The following MTHFD1L variants were observed in gnomAD, a reference collection of about 807,000 sequenced individuals.
MTHFD1L encodes the protein monofunctional C1-tetrahydrofolate synthase, mitochondrial.
Under a neutral mutation model 119.5 loss-of-function variants are expected in MTHFD1L, and 81 were observed. The ratio of observed to expected loss-of-function variants is 0.68; its 90% CI spans 0.57 to 0.82. The LOEUF (loss-of-function observed/expected upper bound fraction) is 0.82. MTHFD1L is among the 40% of genes least tolerant of loss of function. The pLI is 0.00. For synonymous variants in MTHFD1L, 430 were observed against 475.2 expected (o/e 0.90, Z 1.24); for missense variants, 1,125 against 1,253.4 (o/e 0.90, Z 1.55).
chr6:151,043,293 A>G (rs1257393280), intron 26 of MTHFD1L, among the ~76,000 whole-genome samples: 1 of 100,528 alleles, frequency 9.9e-6, no homozygotes, highest in Non-Finnish European at 1.8e-5. Context: ...GAGACAGAGT[A>G]TTGCTCTGTC....
At chr6:150,903,179 A>T (rs1785324966) in intron 7 of MTHFD1L, among the ~76,000 whole-genome samples, 1 of 126,736 alleles carries the variant, frequency 7.9e-6, no homozygotes, top group Non-Finnish European at 1.6e-5. Context: ...AAGGGACTAG[A>T]TTGCTGGTGA....
At chr6:150,977,078 G>T (rs893754282) in intron 20 of MTHFD1L, among the ~76,000 whole-genome samples, 3 of 152,182 alleles carry the variant, frequency 2.0e-5, no homozygotes, top group Admixed American at 2.0e-4. Context: ...GAATAAGACA[G>T]GTTTCTTGCC....
chr6:151,062,202 C>A (rs1487193713), intron 26 of MTHFD1L, among the ~76,000 whole-genome samples: 1 of 152,086 alleles, frequency 6.6e-6, no homozygotes, highest in Non-Finnish European at 1.5e-5. Flanking sequence ...TTTGGAAGGC[C>A]GAGGCGAGCG....
Position 150,905,644 on chromosome 6 carries a change from T to C in MTHFD1L, c.781-6T>C. On this transcript the variant is annotated splice_polypyrimidine_tract_variant and splice_region_variant and intron_variant, in intron 7 of 27. Coordinates refer to ENST00000367321, the MANE Select transcript of MTHFD1L (RefSeq NM_015440.5). ...GATGTGCGTGTTTTTTTCTTTCTCCTTTTAGCTTCACGAGGCTGACATTGT... is the reference window on the plus strand; with the variant it reads ...GATGTGCGTGTTTTTTTCTTTCTCCCTTTAGCTTCACGAGGCTGACATTGT... The C allele has an allele frequency of 6.2e-7, 1 of 1,612,168 alleles. No individual in the cohort carries two copies. The highest frequency in any genetic ancestry group is 8.5e-7 in the Non-Finnish European group (1 of 1,178,344).
chr6:150,967,017 C>T (rs1011831744), intron 19 of MTHFD1L, among the ~76,000 whole-genome samples: 2 of 152,168 alleles, frequency 1.3e-5, no homozygotes, highest in Non-Finnish European at 2.9e-5. Context: ...TTGTCCTTCC[C>T]GTCTTTCCTC....
chr6:150,936,787 T>TC lies in MTHFD1L; in HGVS notation c.1257-16dup, dbSNP rs1792142619. 6.2e-7 allele frequency: 1 copy of TC among 1,605,684 alleles called. No individual in the cohort carries two copies. ...CTGGGAAATATTATAAAATTCACTT[T>TC]CTCCCCCCGAACTCAGGATCACACC... is the stretch of plus-strand genomic sequence containing the variant. On this transcript the variant is annotated splice_polypyrimidine_tract_variant and intron_variant, in intron 11 of 27. Transcript: ENST00000367321.
intron 24 of MTHFD1L, among the ~76,000 whole-genome samples, chr6:151,019,447 AT>A (rs150569860): frequency 2.0e-5 from 3 of 151,450 alleles, no homozygotes; most frequent in African/African-American, 4.9e-5. Flanking sequence ...TGATATTTCA[AT>A]TTTTTTTTCT....
chr6:150,944,631 A>G (rs1435551683), intron 14 of MTHFD1L, 38 bp downstream of exon 14: 1 of 1,460,698 alleles, frequency 6.8e-7, no homozygotes. Context: ...TGGGTATTGT[A>G]TCCTGGAATT....
At chr6:150,953,619 C>G (rs1795161004) in intron 16 of MTHFD1L, among the ~76,000 whole-genome samples, 1 of 152,114 alleles carries the variant, frequency 6.6e-6, no homozygotes, top group South Asian at 2.1e-4. Flanking sequence ...GGAATTTAAC[C>G]TTCACATTTC....
chr6:151,064,298 C>A (rs1243787233), intron 26 of MTHFD1L, among the ~76,000 whole-genome samples: 4 of 151,922 alleles, frequency 2.6e-5, no homozygotes, highest in East Asian at 3.9e-4. Context: ...GATAAATATT[C>A]TTGAAGTGTT....
At chr6:151,029,325 G>A (rs1298706255) in intron 24 of MTHFD1L, among the ~76,000 whole-genome samples, 1 of 151,894 alleles carries the variant, frequency 6.6e-6, no homozygotes, top group African/African-American at 2.4e-5. Flanking sequence ...GGAGGCTGAG[G>A]CAGAAAGAAT....
At chr6:151,003,763 TGTGA>T (rs1380506830) in intron 20 of MTHFD1L, among the ~76,000 whole-genome samples, 2 of 152,172 alleles carry the variant, frequency 1.3e-5, no homozygotes, top group East Asian at 3.9e-4. Context: ...AATTCTGTGA[TGTGA>T]GTGTTTAATG....
At chr6:150,928,646 A>G (rs984539245) in intron 11 of MTHFD1L, among the ~76,000 whole-genome samples, 1 of 151,154 alleles carries the variant, frequency 6.6e-6, no homozygotes. Flanking sequence ...GGTTCAAGCA[A>G]TTCTTGTGCC....
intron 1 of MTHFD1L, among the ~76,000 whole-genome samples, chr6:150,869,818 G>C (rs1779094551): frequency 1.3e-5 from 2 of 152,196 alleles, no homozygotes; most frequent in Admixed American, 1.3e-4. Flanking sequence ...AAAAATTAAA[G>C]AATGAGCTCC....
chr6:151,073,079 G>A (rs558347593), intron 26 of MTHFD1L, among the ~76,000 whole-genome samples: 1 of 152,172 alleles, frequency 6.6e-6, no homozygotes, highest in African/African-American at 2.4e-5. Context: ...ACTGTGTAGA[G>A]AGAAGGAACC....
intron 24 of MTHFD1L, among the ~76,000 whole-genome samples, chr6:151,019,129 G>T (rs1783572184): frequency 6.6e-6 from 1 of 151,378 alleles, no homozygotes; most frequent in African/African-American, 2.4e-5. Context: ...GGCTTGCCAG[G>T]GTACCTACAA....
chr6:150,883,680 C>T (rs1781738011), intron 5 of MTHFD1L, among the ~76,000 whole-genome samples: 1 of 152,118 alleles, frequency 6.6e-6, no homozygotes, highest in Non-Finnish European at 1.5e-5. Context: ...GTAATGTTGG[C>T]CTGTGATTCA....
At chr6:150,963,408 G>A (rs1207994926) in intron 18 of MTHFD1L, among the ~76,000 whole-genome samples, 1 of 152,158 alleles carries the variant, frequency 6.6e-6, no homozygotes, top group African/African-American at 2.4e-5. Flanking sequence ...GTGAGGTAAT[G>A]CATATGTTAA....
chr6:150,977,104 A>T (rs1776692567), intron 20 of MTHFD1L, among the ~76,000 whole-genome samples: 1 of 152,204 alleles, frequency 6.6e-6, no homozygotes, highest in South Asian at 2.1e-4. Flanking sequence ...GTAATTGATG[A>T]TGTGCTGTGA....
Sources: allele counts gnomAD v4.1 joint callset (sites outside exome capture counted in the v4.1 genomes callset), GRCh38; gene constraint gnomAD v4.1.1; transcripts MANE v1.5; gene names NCBI Gene and HGNC (gene_info 2026-07-23, HGNC 2026-07-21).